The following TMEM131L variants were observed in gnomAD, a reference collection of about 807,000 sequenced individuals.
The protein encoded by TMEM131L is transmembrane protein 131-like.
TMEM131L carries 54 observed loss-of-function variants against 192.2 expected under a neutral mutation model. The ratio of observed to expected loss-of-function variants is 0.28; its 90% CI spans 0.23 to 0.35. TMEM131L has a LOEUF of 0.35. TMEM131L is among the 10% of genes least tolerant of loss of function. The pLI is 1.00. For missense variants in TMEM131L, 1,888 were observed against 1,972.9 expected (o/e 0.96, Z 0.82); for synonymous variants, 701 against 704.9 (o/e 0.99, Z 0.09).
intron 1 of TMEM131L, among the ~76,000 whole-genome samples, 171 bp downstream of exon 1, chr4:153,466,692 C>T (rs1179702588): frequency 1.3e-5 from 2 of 152,316 alleles, no homozygotes; most frequent in East Asian, 1.9e-4. Context: ...CCACAGCGTC[C>T]CGTCCCGCGC....
chr4:153,510,190 C>T (rs1453351993), intron 3 of TMEM131L, among the ~76,000 whole-genome samples: 1 of 152,024 alleles, frequency 6.6e-6, no homozygotes, highest in Non-Finnish European at 1.5e-5. Flanking sequence ...TCATCTCCAT[C>T]TGCCCCAGAA....
At chr4:153,536,283 C>A (rs566222347) in intron 3 of TMEM131L, among the ~76,000 whole-genome samples, 1 of 152,318 alleles carries the variant, frequency 6.6e-6, no homozygotes, top group African/African-American at 2.4e-5. Context: ...GCCATTCTTT[C>A]TTTTGCAGAC....
At chr4:153,482,911 C>T (rs1250145975) in intron 3 of TMEM131L, among the ~76,000 whole-genome samples, 1 of 152,014 alleles carries the variant, frequency 6.6e-6, no homozygotes, top group Non-Finnish European at 1.5e-5. Context: ...CTTTTGGTTC[C>T]TCCTAGATAA....
At chr4:153,567,547 C>A (rs995255743) in intron 7 of TMEM131L, among the ~76,000 whole-genome samples, 2 of 139,094 alleles carry the variant, frequency 1.4e-5, no homozygotes, top group Non-Finnish European at 3.2e-5. Context: ...TTCCCCCAGG[C>A]TTTTTTTTTT....
In TMEM131L at chr4:153,556,990, T is replaced by G; in HGVS notation, c.457T>G (p.Ser153Ala). Reference sequence around the variant, plus strand: ...GGTAATTCCAGCAATGGGGAAAACTTCCTTCAGAATTATTTTCTTACCTAC... The same window carrying G: ...GGTAATTCCAGCAATGGGGAAAACTGCCTTCAGAATTATTTTCTTACCTAC... Reference protein sequence around the residue: ...CRVIPAMGKTSFRIIFLPTEE... With the variant: ...CRVIPAMGKTAFRIIFLPTEE... Residue 153 changes from serine (S) to alanine (A), a missense_variant, in exon 6 of 35, where the codon TCC (serine) becomes GCC (alanine). Physicochemically the swap from Ser to Ala is moderately conservative, Grantham distance 99 (BLOSUM62 1). Transcript: ENST00000409959. 6.3e-7 allele frequency: 1 copy of G among 1,598,432 alleles called. No individual in the cohort carries two copies. Among genetic ancestry groups the G allele is most frequent in the Non-Finnish European group, 8.6e-7 (1 of 1,167,726 alleles).
intron 16 of TMEM131L, among the ~76,000 whole-genome samples, chr4:153,589,533 AC>A (rs1400203502): frequency 6.6e-6 from 1 of 152,088 alleles, no homozygotes; most frequent in Non-Finnish European, 1.5e-5. Flanking sequence ...TCATCATGCT[AC>A]TCAGTACTGT....
At chr4:153,529,193 A>C (rs370456879) in intron 3 of TMEM131L, among the ~76,000 whole-genome samples, 4 of 152,146 alleles carry the variant, frequency 2.6e-5, no homozygotes, top group African/African-American at 4.8e-5. Context: ...TAGAAAATGG[A>C]AATGTTCTGT....
At chr4:153,602,384 A>G in intron 22 of TMEM131L, 46 bp downstream of exon 22, 1 of 1,587,012 alleles carries the variant, frequency 6.3e-7, no homozygotes, top group Non-Finnish European at 8.6e-7. Flanking sequence ...GGTGCGTTTA[A>G]CAATGTGAGG....
chr4:153,631,282 A>C (rs894471859), intron 31 of TMEM131L, among the ~76,000 whole-genome samples: 1 of 152,212 alleles, frequency 6.6e-6, no homozygotes, highest in African/African-American at 2.4e-5. Flanking sequence ...ACTTCACTTC[A>C]GGTGCAGAGT....
chr4:153,531,156 C>T (rs556351735), intron 3 of TMEM131L, among the ~76,000 whole-genome samples: 27 of 152,278 alleles, frequency 1.8e-4, no homozygotes, highest in African/African-American at 6.3e-4. Context: ...CTTCTGCTCC[C>T]CTAGTGGATG....
chr4:153,517,954 A>G (rs1430531589), intron 3 of TMEM131L, among the ~76,000 whole-genome samples: 2 of 151,910 alleles, frequency 1.3e-5, no homozygotes, highest in East Asian at 1.9e-4. Context: ...AATTTGCCCA[A>G]TTTGAGTGGT....
intron 3 of TMEM131L, among the ~76,000 whole-genome samples, chr4:153,531,944 A>C (rs903236632): frequency 3.3e-5 from 5 of 152,112 alleles, no homozygotes; most frequent in Non-Finnish European, 7.4e-5. Flanking sequence ...CCTTCTCTTC[A>C]TCTTCTGGCC....
chr4:153,547,881 C>T (rs988595811), intron 3 of TMEM131L, among the ~76,000 whole-genome samples: 2 of 152,222 alleles, frequency 1.3e-5, no homozygotes, highest in African/African-American at 4.8e-5. Flanking sequence ...CTCATCTGTT[C>T]ATGTGGAGGT....
intron 3 of TMEM131L, among the ~76,000 whole-genome samples, chr4:153,516,733 C>G (rs1734758117): frequency 6.6e-6 from 1 of 152,092 alleles, no homozygotes; most frequent in Non-Finnish European, 1.5e-5. Flanking sequence ...TCAGTTATAC[C>G]CTTATGCTAA....
Position 153,598,779 on chromosome 4 carries a change from G to A in TMEM131L, c.2266+47G>A, listed in dbSNP as rs750140550. ...TCTGACAGGGGAGGTTGGCATTAAA[G>A]CTGAGAGTGAAAGGATTCTATAAAT... On this transcript the variant is annotated intron_variant, in intron 21 of 34. Transcript: ENST00000409959. 3 of 1,432,256 alleles carry A rather than the reference G, an allele frequency of 2.1e-6. 1 individual carries two copies. The South Asian group carries it at 4.9e-5, about 23-fold the overall frequency. The allele number at this position is 1,432,256 out of a possible 1,614,324, so 88.7% of individuals were successfully genotyped here.
intron 19 of TMEM131L, among the ~76,000 whole-genome samples, chr4:153,595,851 T>G (rs1731397203): frequency 6.6e-6 from 1 of 152,208 alleles, no homozygotes; most frequent in Admixed American, 6.5e-5. Context: ...AAAGAATTTA[T>G]ATAAAGAGAT....
At chr4:153,484,314 T>C (rs1377769042) in intron 3 of TMEM131L, among the ~76,000 whole-genome samples, 1 of 152,212 alleles carries the variant, frequency 6.6e-6, no homozygotes, top group African/African-American at 2.4e-5. Context: ...AATTAATGTT[T>C]TTGGAACCAT....
At chr4:153,620,555 T>A (rs1733317272) in intron 26 of TMEM131L, among the ~76,000 whole-genome samples, 1 of 152,222 alleles carries the variant, frequency 6.6e-6, no homozygotes, top group African/African-American at 2.4e-5. Flanking sequence ...CAACAATTCT[T>A]TTTTCTTCTT....
Position 153,626,302 on chromosome 4 carries a change from G to C in TMEM131L, c.4124+77G>C, listed in dbSNP as rs769454881. On this transcript the variant is annotated intron_variant, in intron 30 of 34. Transcript: ENST00000409959. ...CTACCAATTATTGTGTTTCTTCTTT[G>C]TACTTGGTTCTGCAGGTTAAAATAT... 4 of 941,686 alleles carry C rather than the reference G, an allele frequency of 4.2e-6. No individual in the cohort carries two copies. In the African/African-American group the frequency reaches 6.6e-5, roughly 16 times the overall value. 58.3% of individuals were successfully genotyped at this position (941,686 alleles called of 1,614,324 possible).
Sources: gnomAD v4.1 joint callset for allele counts (sites outside exome capture counted in the v4.1 genomes callset) on GRCh38, gnomAD v4.1.1 for gene constraint, MANE v1.5 for transcripts, NCBI Gene and HGNC (gene_info 2026-07-23, HGNC 2026-07-21) for gene names.